The following SSBP2 variants were observed in gnomAD, a reference collection of about 807,000 sequenced individuals.
The protein encoded by SSBP2 is single-stranded DNA-binding protein 2.
SSBP2 carries 17 observed loss-of-function variants against 61.8 expected under a neutral mutation model. The ratio of observed to expected loss-of-function variants is 0.28; its 90% confidence interval spans 0.19 to 0.41. The LOEUF (loss-of-function observed/expected upper bound fraction) is 0.41. SSBP2 is among the 10% of genes least tolerant of loss of function. The pLI is 1.00. For synonymous variants in SSBP2, 139 were observed against 141.3 expected (o/e 0.98, Z 0.12); for missense variants, 310 against 458.7 (o/e 0.68, Z 2.96).
In SSBP2 at chr5:81,420,512, T is replaced by C. The variant is rs774962432; in HGVS notation, c.1078A>G (p.Ser360Gly). 6.2e-7 allele frequency: 1 copy of C among 1,613,912 alleles called. No individual in the cohort carries two copies. Among genetic ancestry groups the C allele is most frequent in the Non-Finnish European group, 8.5e-7 (1 of 1,179,814 alleles). The stretch of plus-strand genomic sequence containing the variant: ...GGAGACTTGGTAATGGATCACACGC[T>C]CATTGTCATGCTAGGGGAGTACTAG... Residue 360 changes from serine to glycine, a missense_variant, in exon 17 of 17, where the codon AGC (serine) becomes GGC (glycine). This residue lies in a region of SSBP2 where 44 missense variants were observed against 86.2 expected (regional missense o/e 0.51). Coordinates refer to ENST00000320672, the MANE Select transcript of SSBP2 (RefSeq NM_012446.5).
intron 10 of SSBP2, among the ~76,000 whole-genome samples, chr5:81,457,629 G>A (rs1487807784): frequency 6.6e-6 from 1 of 152,010 alleles, no homozygotes; most frequent in East Asian, 1.9e-4. Flanking sequence ...AAATCATCAT[G>A]TGCCTCCTGA....
chr5:81,573,799 GACCCCCTGTGGATTTACAT>G (rs1239473672), intron 4 of SSBP2, among the ~76,000 whole-genome samples: 1 of 152,114 alleles, frequency 6.6e-6, no homozygotes, highest in Non-Finnish European at 1.5e-5. Context: ...ATAGAAACCA[GACCCCCTGTGGATTTACAT>G]AATGGAGATA....
chr5:81,463,487 C>A (rs2154003483), intron 9 of SSBP2, among the ~76,000 whole-genome samples: 1 of 152,240 alleles, frequency 6.6e-6, no homozygotes, highest in South Asian at 2.1e-4. Context: ...ACCACTTGAG[C>A]TCAGGAGTTG....
At chr5:81,570,008 C>T (rs1398410051) in intron 4 of SSBP2, among the ~76,000 whole-genome samples, 1 of 151,970 alleles carries the variant, frequency 6.6e-6, no homozygotes, top group African/African-American at 2.4e-5. Context: ...ATATTTAGAA[C>T]TCTGATTTAA....
chr5:81,665,538 G>A (rs748259669), intron 1 of SSBP2, among the ~76,000 whole-genome samples: 62 of 152,256 alleles, frequency 4.1e-4, no homozygotes, highest in South Asian at 1.2e-3. Flanking sequence ...CTGTCGCCCA[G>A]GCTGGAGTGC....
intron 1 of SSBP2, among the ~76,000 whole-genome samples, chr5:81,668,352 T>C (rs1311098804): frequency 6.6e-6 from 1 of 151,704 alleles, no homozygotes; most frequent in Non-Finnish European, 1.5e-5. Context: ...TCTTCATGCA[T>C]TCAAATACGA....
In SSBP2 at chr5:81,664,124, T is replaced by C. The variant is rs1750920435; in HGVS notation, c.63-13785A>G. Among the ~76,000 whole-genome samples, 3 of 121,504 alleles carry C rather than the reference T, an allele frequency of 2.5e-5. No individual in the cohort carries two copies. The South Asian group carries it at 7.5e-4, about 30-fold the overall frequency. The allele number at this position is 121,504 out of a possible 152,430, so 79.7% of individuals were successfully genotyped here. A position where few individuals can be genotyped will look rare whatever the true frequency, so the allele number is the denominator to read the frequency against. ...TTTTAACTTTTTTTTTTGTTTTTTGTTTTTGTTTTTTTTTTTGAGACAGAA... is the reference window on the plus strand; with the variant it reads ...TTTTAACTTTTTTTTTTGTTTTTTGCTTTTGTTTTTTTTTTTGAGACAGAA... On this transcript the variant is annotated intron_variant, in intron 1 of 16. Transcript: ENST00000320672.
chr5:81,686,036 G>A (rs1037330173), intron 1 of SSBP2, among the ~76,000 whole-genome samples: 1 of 152,162 alleles, frequency 6.6e-6, no homozygotes, highest in South Asian at 2.1e-4. Flanking sequence ...AGGTTAGACA[G>A]TAAGAAAGGT....
intron 1 of SSBP2, among the ~76,000 whole-genome samples, chr5:81,718,634 T>TAGTTA (rs920911353): frequency 2.8e-4 from 42 of 152,324 alleles, no homozygotes; most frequent in African/African-American, 9.6e-4. Context: ...TCTGAACTGA[T>TAGTTA]ACTGTTCTAC....
intron 4 of SSBP2, among the ~76,000 whole-genome samples, chr5:81,583,204 G>A (rs1034429750): frequency 2.6e-5 from 4 of 152,142 alleles, no homozygotes; most frequent in African/African-American, 9.7e-5. Context: ...GTGATCCTGA[G>A]TGAGATCCTG....
At chr5:81,743,411 T>A (rs1278696281) in intron 1 of SSBP2, among the ~76,000 whole-genome samples, 4 of 152,194 alleles carry the variant, frequency 2.6e-5, no homozygotes, top group African/African-American at 9.6e-5. Context: ...CTCCCAGTCA[T>A]TCTCTACACT....
chr5:81,614,359 CAAAAA>C (rs10659647), intron 4 of SSBP2, among the ~76,000 whole-genome samples: 1 of 73,826 alleles, frequency 1.4e-5, no homozygotes, highest in African/African-American at 5.0e-5. Context: ...GACTCCGTCT[CAAAAA>C]AAAAAAAAAA....
chr5:81,506,996 A>C (rs1165965755), intron 5 of SSBP2, among the ~76,000 whole-genome samples: 8 of 152,046 alleles, frequency 5.3e-5, no homozygotes, highest in Admixed American at 1.3e-4. Flanking sequence ...TTAGTCAATA[A>C]CACCACCATG....
chr5:81,703,629 AAATTC>A (rs1211166669), intron 1 of SSBP2, among the ~76,000 whole-genome samples: 1 of 152,260 alleles, frequency 6.6e-6, no homozygotes, highest in African/African-American at 2.4e-5. Context: ...TCAGTTGTTT[AAATTC>A]AATTCCTCTA....
At chr5:81,600,844 T>G (rs1002698319) in intron 4 of SSBP2, among the ~76,000 whole-genome samples, 13 of 152,210 alleles carry the variant, frequency 8.5e-5, no homozygotes, top group African/African-American at 2.7e-4. Flanking sequence ...GAATAAATAT[T>G]CAAGTAATAC....
intron 3 of SSBP2, among the ~76,000 whole-genome samples, chr5:81,636,270 G>A (rs1489979079): frequency 6.6e-6 from 1 of 152,082 alleles, no homozygotes; most frequent in African/African-American, 2.4e-5. Context: ...TGCTGTTTAA[G>A]CCACCTATTC....
At chr5:81,735,057 C>T (rs1288526100) in intron 1 of SSBP2, among the ~76,000 whole-genome samples, 1 of 151,142 alleles carries the variant, frequency 6.6e-6, no homozygotes, top group African/African-American at 2.4e-5. Context: ...GAATATTAAG[C>T]ATGCTAAATT....
intron 15 of SSBP2, among the ~76,000 whole-genome samples, chr5:81,428,895 C>T (rs1762119467): frequency 6.6e-6 from 1 of 151,866 alleles, no homozygotes; most frequent in African/African-American, 2.4e-5. Flanking sequence ...ATAAAAAAAC[C>T]CCCAATAACC....
chr5:81,507,478 A>G (rs1025236571), intron 5 of SSBP2, among the ~76,000 whole-genome samples: 2 of 152,306 alleles, frequency 1.3e-5, no homozygotes, highest in Middle Eastern at 3.4e-3. Context: ...AAAATACATG[A>G]TAAAAGAAAA....
Sources: gnomAD v4.1 joint callset for allele counts (sites outside exome capture counted in the v4.1 genomes callset) on GRCh38, gnomAD v4.1.1 for gene constraint, gnomAD v4.1.1 regional missense constraint, MANE v1.5 for transcripts, NCBI Gene and HGNC (gene_info 2026-07-23, HGNC 2026-07-21) for gene names.